Variants in MARCHF8 observed in about 807,000 individuals in gnomAD.
MARCHF8 encodes the protein membrane associated ring-CH-type finger 8.
In MARCHF8, 40 loss-of-function variants were observed where a neutral mutation model predicts 51.6. The ratio of observed to expected loss-of-function variants is 0.77; its 90% CI spans 0.60 to 1.01. The LOEUF is 1.01. MARCHF8 is among the 50% of genes least tolerant of loss of function. The pLI, the probability that MARCHF8 is intolerant of heterozygous loss-of-function variation, is 0.00. For synonymous variants in MARCHF8, 263 were observed against 280.3 expected, an observed-to-expected ratio of 0.94 and a Z score of 0.62; for missense variants, 685 against 708.6, an observed-to-expected ratio of 0.97 and a Z score of 0.38.
At chr10:45,527,714 A>G (rs777966779) in intron 2 of MARCHF8, among the ~76,000 whole-genome samples, 24 of 152,206 alleles carry the variant, frequency 1.6e-4, no homozygotes, top group Non-Finnish European at 3.4e-4. Flanking sequence ...CCTATTGACA[A>G]CACTGTTCCC....
At chr10:45,575,963 G>A (rs1054253366) in intron 1 of MARCHF8, among the ~76,000 whole-genome samples, 2 of 151,986 alleles carry the variant, frequency 1.3e-5, no homozygotes, top group East Asian at 3.8e-4. Context: ...CTATAAAATG[G>A]CCCCACCCCT....
At chr10:45,488,266 G>C (rs923005028) in intron 3 of MARCHF8, among the ~76,000 whole-genome samples, 1 of 152,098 alleles carries the variant, frequency 6.6e-6, no homozygotes, top group African/African-American at 2.4e-5. Context: ...GATTTCAGGC[G>C]GCCAGGTGGG....
intron 2 of MARCHF8, among the ~76,000 whole-genome samples, chr10:45,502,995 T>C (rs193140335): frequency 2.6e-5 from 4 of 152,282 alleles, no homozygotes; most frequent in African/African-American, 9.6e-5. Flanking sequence ...GAATGTAAGA[T>C]AACTGTAACA....
intron 3 of MARCHF8, among the ~76,000 whole-genome samples, chr10:45,478,880 A>G (rs992033646): frequency 1.3e-5 from 2 of 151,542 alleles, no homozygotes; most frequent in African/African-American, 4.8e-5. Context: ...GTCTCCTAAC[A>G]ACGAAAGGTC....
chr10:45,575,316 A>G (rs919300792), intron 1 of MARCHF8, among the ~76,000 whole-genome samples: 1 of 152,014 alleles, frequency 6.6e-6, no homozygotes, highest in Non-Finnish European at 1.5e-5. Flanking sequence ...CCACCTATCA[A>G]TCTCTTCCCA....
chr10:45,550,352 T>G (rs1417288345), intron 1 of MARCHF8, among the ~76,000 whole-genome samples: 1 of 152,220 alleles, frequency 6.6e-6, no homozygotes, highest in Non-Finnish European at 1.5e-5. Flanking sequence ...ACATGGATCT[T>G]GTGAAGCATC....
At chr10:45,543,665 G>A (rs1469941701) in intron 1 of MARCHF8, among the ~76,000 whole-genome samples, 5 of 151,982 alleles carry the variant, frequency 3.3e-5, no homozygotes, top group Non-Finnish European at 5.9e-5. Flanking sequence ...GGGCACGGTG[G>A]CGGGCGCCTG....
rs374200892 is a variant in MARCHF8, at chr10:45,555,735, C to T, written c.-78-22446G>A. Among the ~76,000 whole-genome samples the T allele has an allele frequency of 2.9e-3, 421 of 146,148 alleles. 3 individuals are homozygous for T. The highest frequency in any genetic ancestry group is 0.01 in the African/African-American group (401 of 39,386). ...CTCCAGCCTGAGCGACATTGTAAGA[C>T]CCTGTCTCAAAAAAAAAAAAAAAGA... is the stretch of plus-strand genomic sequence containing the variant. On this transcript the variant is annotated intron_variant, in intron 1 of 6. Coordinates refer to the MARCHF8 transcript ENST00000319836.
At chr10:45,523,032 T>C (rs2043734336) in intron 2 of MARCHF8, among the ~76,000 whole-genome samples, 1 of 152,208 alleles carries the variant, frequency 6.6e-6, no homozygotes, top group Non-Finnish European at 1.5e-5. Context: ...GTGTGCAGTC[T>C]ATATTCATGT....
intron 2 of MARCHF8, 132 bp downstream of exon 2, chr10:45,532,978 T>C: frequency 1.7e-6 from 1 of 588,188 alleles, no homozygotes; most frequent in African/African-American, 1.9e-5. Flanking sequence ...TCCTTCTGAG[T>C]ACAACTATTT....
chr10:45,519,869 C>T (rs760473643), intron 2 of MARCHF8, among the ~76,000 whole-genome samples: 4 of 152,066 alleles, frequency 2.6e-5, no homozygotes, highest in Admixed American at 6.6e-5. Context: ...TGATGAGTGG[C>T]GCATTAAGAG....
intron 2 of MARCHF8, among the ~76,000 whole-genome samples, chr10:45,518,613 C>T (rs1160181714): frequency 6.6e-6 from 1 of 152,220 alleles, no homozygotes; most frequent in Non-Finnish European, 1.5e-5. Context: ...CCAGTTTGCT[C>T]TGACCTTTAC....
At chr10:45,459,086 C>T (rs996672036) in intron 7 of MARCHF8, 34 bp downstream of exon 7, 3 of 1,613,066 alleles carry the variant, frequency 1.9e-6, no homozygotes, top group African/African-American at 1.3e-5. Flanking sequence ...TATCCCGGCC[C>T]CCATGCTGAG....
Position 45,461,303 on chromosome 10 carries a change from G to A in MARCHF8, c.1197C>T (p.Ser399=), listed in dbSNP as rs1325779205. The A allele has an allele frequency of 3.1e-6, 5 of 1,605,526 alleles. No homozygotes were observed. Among genetic ancestry groups the A allele is most frequent in the African/African-American group, 2.7e-5 (2 of 74,258 alleles). The change falls in exon 6 of 8, where the codon AGC becomes AGT. Residue 399 remains serine, a synonymous_variant. Coordinates refer to ENST00000453424, the MANE Select transcript of MARCHF8 (RefSeq NM_001282866.2). Reference sequence around the variant, plus strand: ...AGAGCTCGCAGCAGCGCGTGTCGGAGCTCTTGATCCACTGCTGCAGGCAGG... The same window carrying A: ...AGAGCTCGCAGCAGCGCGTGTCGGAACTCTTGATCCACTGCTGCAGGCAGG... The part of the protein sequence containing the change: ...HQACLQQWIK[S]SDTRCCELCK...
chr10:45,500,912 A>G (rs1043580167), intron 2 of MARCHF8, among the ~76,000 whole-genome samples: 1 of 151,840 alleles, frequency 6.6e-6, no homozygotes, highest in Non-Finnish European at 1.5e-5. Context: ...GAACAAAAGA[A>G]CTCACAATTA....
intron 2 of MARCHF8, among the ~76,000 whole-genome samples, chr10:45,520,315 T>C (rs1412355330): frequency 6.6e-6 from 1 of 152,234 alleles, no homozygotes; most frequent in African/African-American, 2.4e-5. Context: ...ATACCATATG[T>C]TGGCCTACTT....
intron 2 of MARCHF8, among the ~76,000 whole-genome samples, chr10:45,528,708 G>C (rs1315163513): frequency 1.3e-5 from 2 of 151,984 alleles, no homozygotes; most frequent in Non-Finnish European, 2.9e-5. Context: ...ACCAAATCAA[G>C]AACCAAACCA....
intron 1 of MARCHF8, among the ~76,000 whole-genome samples, chr10:45,547,139 C>A (rs2044135978): frequency 6.6e-6 from 1 of 151,800 alleles, no homozygotes; most frequent in Admixed American, 6.6e-5. Context: ...ATAAGCAATG[C>A]TGAAAATAAG....
At position 45,458,413 on chromosome 10, in the gene MARCHF8, T is replaced by A; in HGVS notation, c.1548A>T (p.Arg516Ser). 1 of 1,614,206 alleles carries A rather than the reference T, an allele frequency of 6.2e-7. No individual in the cohort carries two copies. Among genetic ancestry groups the A allele is most frequent in the Non-Finnish European group, 8.5e-7 (1 of 1,180,036 alleles). The change falls in exon 8 of 8, where the codon AGA becomes AGT. Residue 516 changes from arginine (R) to serine (S), a missense_variant. Arg to Ser is a moderately radical substitution (Grantham distance 110). Coordinates refer to ENST00000453424, the MANE Select transcript of MARCHF8 (RefSeq NM_001282866.2). ...QLWKRLKAYN[R>S]VIYVQNCPET... ...CTGGACAGTTTTGAACATAGATCAC[T>A]CTATTATAGGCCTTGAGTCTCTTCC...
Sources: gnomAD v4.1 joint callset for allele counts (sites outside exome capture counted in the v4.1 genomes callset) on GRCh38, gnomAD v4.1.1 for gene constraint, MANE v1.5 for transcripts, NCBI Gene and HGNC (gene_info 2026-07-23, HGNC 2026-07-21) for gene names.